PDE10A: variants seen among roughly 807,000 people sequenced by gnomAD.
PDE10A encodes phosphodiesterase 10A.
In PDE10A, 39 loss-of-function variants were observed where a neutral mutation model predicts 97.7. The ratio of observed to expected loss-of-function variants is 0.40; its 90% CI spans 0.31 to 0.52. PDE10A has a LOEUF of 0.52. Among genes scored for constraint, PDE10A ranks in the 20% least tolerant of loss-of-function variants. PDE10A has a pLI of 0.56. For synonymous variants in PDE10A, 371 were observed against 376.8 expected (o/e 0.98, Z 0.18); for missense variants, 731 against 1,047.8 (o/e 0.70, Z 4.17).
At chr6:165,496,757 A>G (rs867709635) in intron 2 of PDE10A, among the ~76,000 whole-genome samples, 1 of 152,262 alleles carries the variant, frequency 6.6e-6, no homozygotes, top group Non-Finnish European at 1.5e-5. Context: ...TGCATACAGA[A>G]CATTTTTATT....
chr6:165,461,173 C>G (rs1467015198), intron 3 of PDE10A, among the ~76,000 whole-genome samples: 1 of 152,184 alleles, frequency 6.6e-6, no homozygotes, highest in Admixed American at 6.5e-5. Context: ...GACTTAAGAG[C>G]TATCAATTCA....
intron 1 of PDE10A, chr6:165,660,161 G>C (rs1449314182): frequency 6.6e-6 from 1 of 152,432 alleles, no homozygotes; most frequent in Non-Finnish European, 1.5e-5. Flanking sequence ...CAGGCCTATA[G>C]GCTGATGCCA....
chr6:165,612,660 C>T (rs1434747994), intron 1 of PDE10A, among the ~76,000 whole-genome samples: 1 of 152,148 alleles, frequency 6.6e-6, no homozygotes, highest in African/African-American at 2.4e-5. Flanking sequence ...TGAGCCACTG[C>T]GCCCAGCCAT....
intron 1 of PDE10A, among the ~76,000 whole-genome samples, chr6:165,582,001 T>G (rs16898017): frequency 0.11 from 16,615 of 152,210 alleles, 1,526 homozygotes; most frequent in African/African-American, 0.25. Context: ...GTAACTATTT[T>G]TGAACACTAA....
chr6:165,441,026 A>G (rs1352357646), intron 5 of PDE10A, among the ~76,000 whole-genome samples: 5 of 152,188 alleles, frequency 3.3e-5, no homozygotes, highest in Admixed American at 3.3e-4. Flanking sequence ...TTTCCCAAAA[A>G]CATCTCAAGA....
At chr6:165,440,446 T>C (rs753919405) in intron 5 of PDE10A, among the ~76,000 whole-genome samples, 9 of 152,178 alleles carry the variant, frequency 5.9e-5, no homozygotes, top group Non-Finnish European at 1.2e-4. Flanking sequence ...AAAAATCAAG[T>C]AACAAAGGGG....
At chr6:165,914,405 G>A (rs918150594) in intron 1 of PDE10A, among the ~76,000 whole-genome samples, 4 of 152,162 alleles carry the variant, frequency 2.6e-5, no homozygotes, top group East Asian at 1.9e-4. Context: ...CCAGGGGTTC[G>A]CCTGTGATGA....
chr6:165,570,522 A>G (rs1358537076), intron 1 of PDE10A, among the ~76,000 whole-genome samples: 4 of 152,226 alleles, frequency 2.6e-5, no homozygotes, highest in African/African-American at 7.2e-5. Flanking sequence ...TCAAGAAAAC[A>G]GCGTATTTCT....
At chr6:165,684,025 C>T (rs1371620922) in intron 1 of PDE10A, among the ~76,000 whole-genome samples, 1 of 152,042 alleles carries the variant, frequency 6.6e-6, no homozygotes, top group Non-Finnish European at 1.5e-5. Flanking sequence ...CCTAGAGTCC[C>T]AAATTCTCCT....
chr6:165,759,400 A>G (rs1793199831), intron 1 of PDE10A, among the ~76,000 whole-genome samples: 1 of 152,168 alleles, frequency 6.6e-6, no homozygotes, highest in Admixed American at 6.5e-5. Context: ...GAACCAGTCC[A>G]GGCGAGGACC....
chr6:165,688,965 A>C (rs1791197832), intron 1 of PDE10A, among the ~76,000 whole-genome samples: 1 of 152,198 alleles, frequency 6.6e-6, no homozygotes, highest in African/African-American at 2.4e-5. Flanking sequence ...TATAAATTAA[A>C]ATTTTTCTTC....
At chr6:165,580,809 G>A (rs1437352663) in intron 1 of PDE10A, among the ~76,000 whole-genome samples, 2 of 151,956 alleles carry the variant, frequency 1.3e-5, no homozygotes, top group Non-Finnish European at 2.9e-5. Context: ...CAATGAGAAA[G>A]AAGACGGTAA....
intron 1 of PDE10A, among the ~76,000 whole-genome samples, chr6:165,888,531 G>A (rs6456026): frequency 0.25 from 37,559 of 151,848 alleles, 5,425 homozygotes; most frequent in African/African-American, 0.4. Context: ...TGCTCCACCC[G>A]CCTCAGCCTC....
At chr6:165,716,236 C>A (rs1792023728) in intron 1 of PDE10A, among the ~76,000 whole-genome samples, 1 of 152,244 alleles carries the variant, frequency 6.6e-6, no homozygotes, top group African/African-American at 2.4e-5. Flanking sequence ...ATTATTGACT[C>A]ATAATTGATT....
At chr6:165,746,489 G>A (rs866769568) in intron 1 of PDE10A, among the ~76,000 whole-genome samples, 9 of 152,202 alleles carry the variant, frequency 5.9e-5, no homozygotes, top group African/African-American at 1.9e-4. Context: ...GCTTTCTCCC[G>A]CAAACAATGC....
In PDE10A at chr6:165,943,291, G is replaced by GA. The variant is rs1373184683; in HGVS notation, c.-615+44237dup. On this transcript the variant is annotated intron_variant, in intron 1 of 19. Transcript: ENST00000366882. ...GGAAGGAAGGAAAGAAAGAAAGAAAGAAGGAAAGAAAGAAAGAAGGAAGGA... is the reference window on the plus strand; with the variant it reads ...GGAAGGAAGGAAAGAAAGAAAGAAAGAAAGGAAAGAAAGAAAGAAGGAAGGA... Among the ~76,000 whole-genome samples the GA allele has an allele frequency of 6.3e-3, 605 of 96,670 alleles. 41 individuals are homozygous for GA. The highest frequency in any genetic ancestry group is 0.031 in the Middle Eastern group (7 of 224). 63.4% of individuals were successfully genotyped at this position (96,670 alleles called of 152,430 possible). A position where few individuals can be genotyped will look rare whatever the true frequency, so the allele number is the denominator to read the frequency against.
chr6:165,973,009 C>T (rs1230773506), intron 1 of PDE10A, among the ~76,000 whole-genome samples: 1 of 152,066 alleles, frequency 6.6e-6, no homozygotes, highest in Non-Finnish European at 1.5e-5. Context: ...CCTTCTCTTC[C>T]ATTCCATTCA....
At chr6:165,727,035 G>A (rs1792316630) in intron 1 of PDE10A, among the ~76,000 whole-genome samples, 1 of 152,160 alleles carries the variant, frequency 6.6e-6, no homozygotes, top group African/African-American at 2.4e-5. Context: ...GACCGAGCAC[G>A]TGGGGATTCT....
At chr6:165,777,937 T>TA (rs1219040704) in intron 1 of PDE10A, among the ~76,000 whole-genome samples, 2 of 152,194 alleles carry the variant, frequency 1.3e-5, no homozygotes, top group East Asian at 1.9e-4. Flanking sequence ...TTACCTCCTT[T>TA]AAAAAAATAG....
Sources: gnomAD v4.1 joint callset for allele counts (sites outside exome capture counted in the v4.1 genomes callset) on GRCh38, gnomAD v4.1.1 for gene constraint, MANE v1.5 for transcripts, NCBI Gene and HGNC (gene_info 2026-07-23, HGNC 2026-07-21) for gene names.